Variants in CASK observed in about 807,000 individuals in gnomAD.
CASK encodes peripheral plasma membrane protein CASK.
In CASK, 4 loss-of-function variants were observed where a neutral mutation model predicts 82.9. The observed-to-expected ratio is 0.05, with a 90% CI of 0.02 to 0.11. The LOEUF is 0.11. CASK is among the 10% of genes least tolerant of loss of function. The probability of loss-of-function intolerance (pLI) is 1.00; values close to 1 mark genes in which losing one functional copy is unlikely to be tolerated. For synonymous variants in CASK, 259 were observed against 253.5 expected, an observed-to-expected ratio of 1.02 and a Z score of -0.20; for missense variants, 358 against 720.9, an observed-to-expected ratio of 0.50 and a Z score of 5.76.
chrX:41,609,777 T>C, intron 12 of CASK, 127 bp downstream of exon 12: 3 of 664,162 alleles, frequency 4.5e-6, no homozygotes, highest in Admixed American at 5.1e-5. Flanking sequence ...CAGGATGGTC[T>C]CAGTCTCCTG....
intron 1 of CASK, among the ~76,000 whole-genome samples, chrX:41,871,666 G>C (rs896864702): frequency 7.1e-5 from 8 of 112,046 alleles, no homozygotes; most frequent in Admixed American, 1.9e-4. Context: ...GCAAAGAGAA[G>C]TGGTATACGG....
chrX:41,536,778 C>A (rs2064879936), intron 22 of CASK, among the ~76,000 whole-genome samples: 1 of 111,335 alleles, frequency 9.0e-6, no homozygotes, highest in African/African-American at 3.3e-5. Context: ...ATGGCAGACT[C>A]ACAAAATTAA....
At chrX:41,851,967 C>T (rs1161075252) in intron 2 of CASK, among the ~76,000 whole-genome samples, 1 of 111,043 alleles carries the variant, frequency 9.0e-6, no homozygotes, top group Non-Finnish European at 1.9e-5. Context: ...ACTTAAAAGT[C>T]AATTTTAAAT....
chrX:41,747,463 G>A (rs1165993080), intron 3 of CASK, among the ~76,000 whole-genome samples: 3 of 110,229 alleles, frequency 2.7e-5, no homozygotes. Flanking sequence ...TTTTTGAGAC[G>A]GAGTCTTGCT....
chrX:41,541,602 G>C (rs922216378), intron 22 of CASK, among the ~76,000 whole-genome samples: 1 of 112,095 alleles, frequency 8.9e-6, no homozygotes, highest in Admixed American at 9.5e-5. Flanking sequence ...TAACCCATGT[G>C]GCCACTCACA....
intron 11 of CASK, among the ~76,000 whole-genome samples, chrX:41,617,056 G>A (rs1341952990): frequency 2.7e-5 from 3 of 112,286 alleles, no homozygotes; most frequent in Non-Finnish European, 5.6e-5. Flanking sequence ...AAACGGTATA[G>A]AAGAGGTAAA....
chrX:41,535,857 T>G (rs1450908579), intron 22 of CASK, among the ~76,000 whole-genome samples: 1 of 112,226 alleles, frequency 8.9e-6, no homozygotes, highest in East Asian at 2.8e-4. Context: ...AAAACTTTCC[T>G]GAGCAGATGC....
rs376774093 is a variant in CASK at position 41,516,908 on chromosome X, C to T, written c.*3512G>A. On this transcript the variant is annotated 3_prime_UTR_variant, in exon 27 of 27. Transcript: ENST00000378163. Reference sequence around the variant, plus strand: ...TCAGTGGGGGACAAAAGAGAGCTGGCTTTGGGCTGCCTTGTTTTTCAGGGG... The same window carrying T: ...TCAGTGGGGGACAAAAGAGAGCTGGTTTTGGGCTGCCTTGTTTTTCAGGGG... The T allele has an allele frequency of 4.5e-5, 5 of 110,783 alleles. No homozygotes were observed. In the South Asian group the frequency reaches 1.5e-3, roughly 33 times the overall value. The allele number at this position is 110,783 out of a possible 1,213,427, so 9.1% of individuals were successfully genotyped here.
At chrX:41,601,638 ACCACCAT>A (rs2065895328) in intron 12 of CASK, among the ~76,000 whole-genome samples, 2 of 111,678 alleles carry the variant, frequency 1.8e-5, no homozygotes, top group Non-Finnish European at 3.8e-5. Flanking sequence ...TAGTTGTACA[ACCACCAT>A]CTCAATCCAG....
chrX:41,848,992 G>A (rs2071210498), intron 2 of CASK, among the ~76,000 whole-genome samples: 1 of 111,683 alleles, frequency 9.0e-6, no homozygotes, highest in African/African-American at 3.3e-5. Flanking sequence ...ATTTCTGTCA[G>A]TTTTCTCTTT....
chrX:41,782,749 G>A (rs1372492890), intron 3 of CASK, among the ~76,000 whole-genome samples: 1 of 111,946 alleles, frequency 8.9e-6, no homozygotes, highest in African/African-American at 3.2e-5. Context: ...CTACTACACT[G>A]TCACTAAGTC....
chrX:41,596,616 G>C (rs2065825857), intron 12 of CASK, among the ~76,000 whole-genome samples: 1 of 111,855 alleles, frequency 8.9e-6, no homozygotes, highest in African/African-American at 3.2e-5. Flanking sequence ...ATCTGTTACT[G>C]TTTACTCTCT....
intron 2 of CASK, among the ~76,000 whole-genome samples, chrX:41,847,470 C>G (rs1250008003): frequency 9.0e-6 from 1 of 111,454 alleles, no homozygotes; most frequent in Non-Finnish European, 1.9e-5. Context: ...TTTATAGTTT[C>G]TATCTCATTA....
At chrX:41,771,638 G>A (rs1308905593) in intron 3 of CASK, among the ~76,000 whole-genome samples, 3 of 111,262 alleles carry the variant, frequency 2.7e-5, no homozygotes, top group Admixed American at 1.9e-4. Context: ...GATGTGTTAC[G>A]AAGCATACTG....
intron 5 of CASK, chrX:41,729,601 C>G (rs185270935): frequency 9.2e-6 from 1 of 108,760 alleles, no homozygotes; most frequent in East Asian, 3.0e-4. Context: ...GCCTGTAGTC[C>G]CAGCTACTTG....
intron 1 of CASK, among the ~76,000 whole-genome samples, chrX:41,872,009 G>A (rs1195343): frequency 0.17 from 19,128 of 111,802 alleles, 1,439 homozygotes; most frequent in Middle Eastern, 0.31. Flanking sequence ...TAGATCAGGG[G>A]TCAGCAAACT....
intron 1 of CASK, among the ~76,000 whole-genome samples, chrX:41,873,758 C>A (rs748023161): frequency 2.8e-5 from 3 of 105,887 alleles, no homozygotes; most frequent in South Asian, 4.2e-4. Context: ...TAGGTTAGTG[C>A]AAAAGTAATT....
intron 5 of CASK, among the ~76,000 whole-genome samples, chrX:41,701,581 TC>T (rs1207162718): frequency 3.6e-5 from 4 of 112,073 alleles, no homozygotes; most frequent in Non-Finnish European, 7.5e-5. Flanking sequence ...TGATGTAGTG[TC>T]CTCTGTCATA....
chrX:41,671,787 A>T (rs747383317), intron 5 of CASK, among the ~76,000 whole-genome samples: 23 of 112,204 alleles, frequency 2.0e-4, no homozygotes, highest in Non-Finnish European at 3.6e-4. Context: ...AGTGCTAAGA[A>T]TTACTAAGGA....
Sources: gnomAD v4.1 joint callset for allele counts (sites outside exome capture counted in the v4.1 genomes callset) on GRCh38, gnomAD v4.1.1 for gene constraint, MANE v1.5 for transcripts, NCBI Gene and HGNC (gene_info 2026-07-23, HGNC 2026-07-21) for gene names.